The following CREB3L3 variants were observed in gnomAD, a reference collection of about 807,000 sequenced individuals.
CREB3L3 encodes cyclic AMP-responsive element-binding protein 3-like protein 3.
Under a neutral mutation model 44.6 loss-of-function variants are expected in CREB3L3, and 40 were observed. The observed-to-expected ratio is 0.90, with a 90% confidence interval of 0.70 to 1.17. CREB3L3 has a LOEUF of 1.17. Ranked by LOEUF, CREB3L3 falls within the 50% of genes most tolerant of loss-of-function variation. The pLI, the probability that CREB3L3 is intolerant of heterozygous loss-of-function variation, is 0.00. For missense variants in CREB3L3, 578 were observed against 595.8 expected (o/e 0.97, Z 0.31); for synonymous variants, 273 against 256.3 (o/e 1.06, Z -0.62).
At chr19:4,165,301 A>G (rs2041710745) in intron 5 of CREB3L3, among the ~76,000 whole-genome samples, 1 of 151,358 alleles carries the variant, frequency 6.6e-6, no homozygotes, top group Non-Finnish European at 1.5e-5. Flanking sequence ...TCAAGTAGCT[A>G]GGATGACAGG....
chr19:4,161,207 C>G (rs2041659130), intron 4 of CREB3L3, among the ~76,000 whole-genome samples: 1 of 152,050 alleles, frequency 6.6e-6, no homozygotes, highest in South Asian at 2.1e-4. Flanking sequence ...CGTGATCTGC[C>G]CACCTCGGCC....
rs140831320 is a variant in CREB3L3 at position 4,161,755 on chromosome 19, A to G, written c.576+1973A>G. Among the ~76,000 whole-genome samples, 543 of 152,298 alleles carry G rather than the reference A, an allele frequency of 3.6e-3. 3 individuals are homozygous for G. The highest frequency in any genetic ancestry group is 0.013 in the African/African-American group (526 of 41,574). On this transcript the variant is annotated intron_variant, in intron 4 of 9. Transcript: ENST00000078445. ...AAGGTTATCCTGATAATCTCTAGTG[A>G]AGGCCAGGGTGCCCCTGGCAACTAG...
At chr19:4,168,630 G>A (rs1044879840) in intron 6 of CREB3L3, among the ~76,000 whole-genome samples, 173 bp downstream of exon 6, 5 of 152,142 alleles carry the variant, frequency 3.3e-5, no homozygotes, top group African/African-American at 1.2e-4. Context: ...GCCTAGTGAT[G>A]GTGTAGGACA....
chr19:4,162,676 CTTGCATCTTAAA>C (rs2041675361), intron 4 of CREB3L3, among the ~76,000 whole-genome samples: 1 of 151,726 alleles, frequency 6.6e-6, no homozygotes, highest in East Asian at 2.0e-4. Context: ...ACAGTGACAT[CTTGCATCTTAAA>C]AGAAGAAAAG....
intron 1 of CREB3L3, among the ~76,000 whole-genome samples, chr19:4,154,013 G>A (rs1455214440): frequency 6.6e-6 from 1 of 152,182 alleles, no homozygotes; most frequent in Non-Finnish European, 1.5e-5. Flanking sequence ...AGGCCTGAGA[G>A]GCAAGCGGCA....
In CREB3L3 at chr19:4,159,753, C is replaced by G; in HGVS notation, c.547C>G (p.Leu183Val). The change falls in exon 4 of 10, where the codon CTC becomes GTC. Residue 183 changes from leucine (L) to valine (V), a missense_variant. Transcript: ENST00000078445. The stretch of plus-strand genomic sequence containing the variant: ...ACGATGCAATCTCACCGTGAAAGAC[C>G]TCCTCCTTTCGGGCAGCAGTGGGGA... ...SPRCNLTVKD[L>V]LLSGSSGDLQ... is the part of the protein sequence containing the mutation. 1 of 1,570,916 alleles carries G rather than the reference C, an allele frequency of 6.4e-7. No individual in the cohort carries two copies. The highest frequency in any genetic ancestry group is 8.8e-7 in the Non-Finnish European group (1 of 1,140,788).
chr19:4,154,581 G>A (rs149480923), intron 1 of CREB3L3, among the ~76,000 whole-genome samples: 19 of 151,762 alleles, frequency 1.3e-4, no homozygotes, highest in Admixed American at 7.2e-4. Context: ...TCTATGTTGC[G>A]CAGGCTGGTC....
At chr19:4,158,468 T>C (rs1438416754) in intron 3 of CREB3L3, among the ~76,000 whole-genome samples, 1 of 150,838 alleles carries the variant, frequency 6.6e-6, no homozygotes, top group Non-Finnish European at 1.5e-5. Context: ...CTGCACTCCA[T>C]CCTGGCTGAC....
At chr19:4,155,074 G>A (rs1170622497) in intron 2 of CREB3L3, 47 bp downstream of exon 2, 2 of 1,598,154 alleles carry the variant, frequency 1.3e-6, no homozygotes, top group Admixed American at 1.7e-5. Context: ...GCTCCAGGCG[G>A]GCCAACTGAG....
At chr19:4,163,181 A>G (rs1010268777) in intron 4 of CREB3L3, among the ~76,000 whole-genome samples, 27 of 151,350 alleles carry the variant, frequency 1.8e-4, no homozygotes, top group Admixed American at 2.6e-4. Context: ...GGTGGCGGGC[A>G]CCTGTAGTCC....
In CREB3L3 at chr19:4,164,616, G is replaced by T; in HGVS notation, c.690G>T (p.Leu230=). 6.2e-7 allele frequency: 1 copy of T among 1,614,050 alleles called. No individual in the cohort carries two copies. The highest frequency in any genetic ancestry group is 8.5e-7 in the Non-Finnish European group (1 of 1,180,018). The change falls in exon 5 of 10, where the codon CTG becomes CTT. Residue 230 remains leucine, a synonymous_variant. Transcript: ENST00000078445. ...KKLLAKEGIT[L]PTQLPLTKYE... is the part of the protein sequence containing the mutation. Reference sequence around the variant, plus strand: ...TGCTGGCTAAAGAAGGCATCACCCTGCCCACTCAGCTGCCCCTCACTAAGG... The same window carrying T: ...TGCTGGCTAAAGAAGGCATCACCCTTCCCACTCAGCTGCCCCTCACTAAGG...
chr19:4,166,169 A>C (rs534261873), intron 5 of CREB3L3, among the ~76,000 whole-genome samples: 2 of 150,978 alleles, frequency 1.3e-5, no homozygotes, highest in African/African-American at 4.9e-5. Context: ...GCTCACTCCA[A>C]CTTCCCCCTC....
chr19:4,171,508 G>T lies in CREB3L3; in HGVS notation c.1072+29G>T. The T allele has an allele frequency of 6.2e-7, 1 of 1,611,672 alleles. No individual in the cohort carries two copies. The highest frequency in any genetic ancestry group is 8.5e-7 in the Non-Finnish European group (1 of 1,177,906). The stretch of plus-strand genomic sequence containing the variant: ...GGGGATCCCCACCTTTGAAACCCTT[G>T]TCTGGTCTCCCCAAGTCCCCGTCCT... On this transcript the variant is annotated intron_variant, in intron 9 of 9. Coordinates refer to ENST00000078445, the MANE Select transcript of CREB3L3 (RefSeq NM_032607.3). This position sits in a 1 kb window ranked among gnomAD's most constrained non-coding sequence, Gnocchi z 4.9.
intron 4 of CREB3L3, among the ~76,000 whole-genome samples, chr19:4,160,290 T>C (rs542196510): frequency 6.6e-6 from 1 of 151,906 alleles, no homozygotes; most frequent in Non-Finnish European, 1.5e-5. Flanking sequence ...ACCAGGACTG[T>C]CTCAACAATA....
rs748841542 is a variant in CREB3L3 at position 4,171,764 on chromosome 19, A to G, written c.1181A>G (p.Glu394Gly). ...CCCGAGGCTGACACAACCCGAGAAG[A>G]GTCTCCAGGAAGCCCCGGGGCAGAC... is the stretch of plus-strand genomic sequence containing the variant. ...PRPEADTTRE[E>G]SPGSPGADWG... The change falls in exon 10 of 10, where the codon GAG (glutamate) becomes GGG (glycine). Residue 394 changes from glutamate to glycine, a missense_variant. Physicochemically the swap from Glu to Gly is moderately conservative, Grantham distance 98. Transcript: ENST00000078445. This position sits in a 1 kb window ranked among gnomAD's most constrained non-coding sequence, Gnocchi z 4.9. 1.2e-6 allele frequency: 2 copies of G among 1,613,374 alleles called. No homozygotes were observed. Among genetic ancestry groups the G allele is most frequent in the South Asian group, 2.2e-5 (2 of 91,084 alleles).
intron 2 of CREB3L3, among the ~76,000 whole-genome samples, chr19:4,155,778 A>C (rs1599329375): frequency 4.8e-4 from 48 of 100,162 alleles, no homozygotes; most frequent in East Asian, 1.2e-3. Flanking sequence ...ATAGAGTTTC[A>C]CTCTTGTCAC....
chr19:4,155,909 G>A (rs568968473), intron 2 of CREB3L3, among the ~76,000 whole-genome samples: 21 of 151,458 alleles, frequency 1.4e-4, no homozygotes, highest in South Asian at 1.3e-3. Context: ...CACCACGCTC[G>A]GCTAATTTCT....
In CREB3L3 at chr19:4,168,343, C is replaced by T; in HGVS notation, c.715-8C>T. 1 of 1,605,840 alleles carries T rather than the reference C, an allele frequency of 6.2e-7. No individual in the cohort carries two copies. Among genetic ancestry groups the T allele is most frequent in the Non-Finnish European group, 8.5e-7 (1 of 1,174,602 alleles). ...GCCTGAAACCCTCCTCCCCATTTCA[C>T]TTGGCAGTACGAGGAGCGAGTGCTG... On this transcript the variant is annotated splice_polypyrimidine_tract_variant and splice_region_variant and intron_variant, in intron 5 of 9. Transcript: ENST00000078445.
intron 5 of CREB3L3, among the ~76,000 whole-genome samples, chr19:4,166,332 G>T (rs1490086700): frequency 6.7e-6 from 1 of 149,546 alleles, no homozygotes; most frequent in East Asian, 2.0e-4. Context: ...TCGGCTCACT[G>T]CAACCTCCGC....
Sources: gnomAD v4.1 joint callset for allele counts (sites outside exome capture counted in the v4.1 genomes callset) on GRCh38, gnomAD v4.1.1 for gene constraint, Gnocchi (gnomAD v3.1) non-coding constraint, MANE v1.5 for transcripts, NCBI Gene and HGNC (gene_info 2026-07-23, HGNC 2026-07-21) for gene names.